Variants in RALGAPA2 observed in about 807,000 individuals in gnomAD.
RALGAPA2 encodes the protein Ral GTPase activating protein catalytic subunit alpha 2, also known as ral GTPase-activating protein subunit alpha-2.
Under a neutral mutation model 230.4 loss-of-function variants are expected in RALGAPA2, and 139 were observed. The ratio of observed to expected loss-of-function variants is 0.60; its 90% CI spans 0.53 to 0.69. RALGAPA2 has a LOEUF of 0.69. Ranked by LOEUF, RALGAPA2 falls within the 30% of genes least tolerant of loss-of-function variation. RALGAPA2 has a pLI of 0.00. For missense variants in RALGAPA2, 2,163 were observed against 2,276.0 expected (o/e 0.95, Z 1.01); for synonymous variants, 847 against 837.8 (o/e 1.01, Z -0.19).
Position 20,571,469 on chromosome 20 carries a change from T to C in RALGAPA2, c.3145A>G (p.Ser1049Gly). Reference sequence around the variant, plus strand: ...GAGTCGCAGAATACCTGATCCTCGCTGGTTAATCCCAGGTGCATCACAAGG... The same window carrying C: ...GAGTCGCAGAATACCTGATCCTCGCCGGTTAATCCCAGGTGCATCACAAGG... ...FYLVMHLGLT[S>G]EDQDILNTII... Residue 1049 changes from serine (S) to glycine (G), a missense_variant, in exon 23 of 40, where the codon AGC becomes GGC. Coordinates refer to ENST00000202677, the MANE Select transcript of RALGAPA2 (RefSeq NM_020343.4). 6.2e-7 allele frequency: 1 copy of C among 1,611,910 alleles called. No homozygotes were observed. Among genetic ancestry groups the C allele is most frequent in the Non-Finnish European group, 8.5e-7 (1 of 1,179,324 alleles).
intron 36 of RALGAPA2, among the ~76,000 whole-genome samples, chr20:20,494,184 G>C (rs987887775): frequency 3.3e-5 from 5 of 152,072 alleles, no homozygotes; most frequent in Non-Finnish European, 7.4e-5. Context: ...CTTTAGATTA[G>C]GTCATAAATC....
chr20:20,647,053 A>G (rs2067239195), intron 4 of RALGAPA2, among the ~76,000 whole-genome samples: 1 of 152,180 alleles, frequency 6.6e-6, no homozygotes, highest in African/African-American at 2.4e-5. Flanking sequence ...TTCATCAATA[A>G]TATTTTCAAA....
chr20:20,680,266 T>G (rs1603239298), intron 2 of RALGAPA2, among the ~76,000 whole-genome samples: 1 of 152,214 alleles, frequency 6.6e-6, no homozygotes, highest in Non-Finnish European at 1.5e-5. Flanking sequence ...CAAACATATA[T>G]AAACATAATA....
intron 1 of RALGAPA2, among the ~76,000 whole-genome samples, chr20:20,686,873 GA>G (rs2068720636): frequency 6.6e-6 from 1 of 152,126 alleles, no homozygotes; most frequent in South Asian, 2.1e-4. Context: ...CAAAGGAAGG[GA>G]AAAAGTCCTC....
At chr20:20,574,788 C>A (rs181736249) in intron 20 of RALGAPA2, among the ~76,000 whole-genome samples, 53 of 152,282 alleles carry the variant, frequency 3.5e-4, no homozygotes, top group African/African-American at 1.3e-3. Context: ...CATGACCAAG[C>A]ACATTCCTCT....
rs1602474521 is a variant in RALGAPA2 at position 20,472,879 on chromosome 20, G to A, written c.5445C>T (p.Cys1815=). The A allele has an allele frequency of 1.9e-6, 3 of 1,613,678 alleles. No homozygotes were observed. The East Asian group carries it at 6.7e-5, about 36-fold the overall frequency. Residue 1815 remains cysteine, a synonymous_variant, in exon 37 of 40, where the codon TGC becomes TGT. Coordinates refer to ENST00000202677, the MANE Select transcript of RALGAPA2 (RefSeq NM_020343.4). ...ACTTCACAGCCCTGCTGGCGTTGAT[G>A]CACGTGGCACATACAAGGCTTGGCA... The part of the protein sequence containing the change: ...KLLPSLVCAT[C]INASRAVKCL...
At chr20:20,543,932 T>TAA (rs199554995) in intron 24 of RALGAPA2, among the ~76,000 whole-genome samples, 3 of 149,410 alleles carry the variant, frequency 2.0e-5, no homozygotes, top group African/African-American at 7.4e-5. Flanking sequence ...CTGTATATGG[T>TAA]AAAAAAAAGA....
intron 17 of RALGAPA2, among the ~76,000 whole-genome samples, chr20:20,590,084 A>C (rs2065243449): frequency 1.3e-5 from 2 of 151,772 alleles, no homozygotes; most frequent in South Asian, 2.1e-4. Context: ...AAATTAAGCT[A>C]ATTAACATGT....
chr20:20,492,303 C>T (rs1438941291), intron 36 of RALGAPA2, among the ~76,000 whole-genome samples: 1 of 152,038 alleles, frequency 6.6e-6, no homozygotes, highest in African/African-American at 2.4e-5. Flanking sequence ...CAGAGTCATA[C>T]TATACTCAGA....
intron 16 of RALGAPA2, 129 bp downstream of exon 16, chr20:20,601,553 G>A (rs2065653856): frequency 2.3e-6 from 2 of 877,188 alleles, no homozygotes; most frequent in East Asian, 2.8e-5. Flanking sequence ...CTAAAAAGAT[G>A]TAGAGACATT....
intron 13 of RALGAPA2, 91 bp downstream of exon 13, chr20:20,615,952 A>T: frequency 9.5e-7 from 1 of 1,052,944 alleles, no homozygotes; most frequent in Non-Finnish European, 1.3e-6. Flanking sequence ...GTTCGTAAAA[A>T]CATTAAATAA....
chr20:20,655,940 G>A (rs1290178553), intron 3 of RALGAPA2, among the ~76,000 whole-genome samples: 2 of 152,190 alleles, frequency 1.3e-5, no homozygotes, highest in Non-Finnish European at 2.9e-5. Context: ...TGCAATCTTA[G>A]ACCCGAGGAG....
At chr20:20,551,893 C>T (rs1230899387) in intron 23 of RALGAPA2, among the ~76,000 whole-genome samples, 5 of 152,086 alleles carry the variant, frequency 3.3e-5, no homozygotes, top group Admixed American at 1.3e-4. Context: ...AGGAAGGATT[C>T]GTTCTGGAAG....
intron 20 of RALGAPA2, among the ~76,000 whole-genome samples, chr20:20,576,585 C>T (rs1004815808): frequency 6.6e-6 from 1 of 151,844 alleles, no homozygotes; most frequent in Non-Finnish European, 1.5e-5. Flanking sequence ...GAATTTTTTG[C>T]TTATATGTTT....
At chr20:20,560,133 C>T (rs1168432275) in intron 23 of RALGAPA2, among the ~76,000 whole-genome samples, 4 of 152,126 alleles carry the variant, frequency 2.6e-5, no homozygotes, top group African/African-American at 9.6e-5. Context: ...ACCAAGAGCA[C>T]AGGGCTCTTG....
chr20:20,524,911 T>C lies in RALGAPA2; in HGVS notation c.3694-13A>G. On this transcript the variant is annotated splice_polypyrimidine_tract_variant and intron_variant, in intron 28 of 39. Coordinates refer to ENST00000202677, the MANE Select transcript of RALGAPA2 (RefSeq NM_020343.4). ...TGGCCACGAGGATCTGCATAAAAGA[T>C]AAATCCCCAATCAAACAGACCATAT... The C allele has an allele frequency of 6.3e-7, 1 of 1,596,834 alleles. No homozygotes were observed. The highest frequency in any genetic ancestry group is 8.5e-7 in the Non-Finnish European group (1 of 1,170,492).
Position 20,410,060 on chromosome 20 carries a change from A to T in RALGAPA2, c.5617+1967T>A, listed in dbSNP as rs1031551442. On this transcript the variant is annotated intron_variant, in intron 38 of 39. Coordinates refer to ENST00000202677, the MANE Select transcript of RALGAPA2 (RefSeq NM_020343.4). Reference sequence around the variant, plus strand: ...GTCTTGATATTCCATGTTTGGTTTCACGTTCCTTTTAGAAGAGTTCCAATG... The same window carrying T: ...GTCTTGATATTCCATGTTTGGTTTCTCGTTCCTTTTAGAAGAGTTCCAATG... Among the ~76,000 whole-genome samples, 3 of 152,218 alleles carry T rather than the reference A, an allele frequency of 2.0e-5. No homozygotes were observed. In the South Asian group the frequency reaches 6.2e-4, roughly 32 times the overall value.
chr20:20,640,094 C>G (rs957912661), intron 6 of RALGAPA2, among the ~76,000 whole-genome samples, 194 bp from the exon 7 acceptor site: 9 of 152,336 alleles, frequency 5.9e-5, no homozygotes, highest in African/African-American at 2.2e-4. Flanking sequence ...GCGCCTTCTC[C>G]TGCTGCACCA....
intron 36 of RALGAPA2, among the ~76,000 whole-genome samples, chr20:20,476,722 A>AAAT (rs1569430610): frequency 4.8e-5 from 6 of 125,918 alleles, no homozygotes; most frequent in African/African-American, 1.4e-4. Context: ...AATAAATAAA[A>AAAT]GAAAATACAT....
Sources: gnomAD v4.1 joint callset for allele counts (sites outside exome capture counted in the v4.1 genomes callset) on GRCh38, gnomAD v4.1.1 for gene constraint, MANE v1.5 for transcripts, NCBI Gene and HGNC (gene_info 2026-07-23, HGNC 2026-07-21) for gene names.